The following CCDC57 variants were observed in gnomAD, a reference collection of about 807,000 sequenced individuals.
The protein encoded by CCDC57 is coiled-coil domain containing 57, also known as coiled-coil domain-containing protein 57.
A neutral mutation model predicts 118.9 loss-of-function variants in CCDC57; 118 were observed. The ratio of observed to expected loss-of-function variants is 0.99; its 90% confidence interval spans 0.86 to 1.16. The LOEUF (loss-of-function observed/expected upper bound fraction) is 1.16. Among genes scored for constraint, CCDC57 ranks in the 50% most tolerant of loss-of-function variants. CCDC57 has a pLI of 0.00. For missense variants in CCDC57, 1,300 were observed against 1,320.7 expected (o/e 0.98, Z 0.24); for synonymous variants, 527 against 532.9 (o/e 0.99, Z 0.15).
chr17:82,104,969 C>T (rs1305403629), intron 19 of CCDC57: 1 of 152,282 alleles, frequency 6.6e-6, no homozygotes, highest in African/African-American at 2.4e-5. Context: ...AGCTGGTCCC[C>T]AGCTTTCTGG....
At chr17:82,196,878 C>T (rs1308841300) in intron 4 of CCDC57, among the ~76,000 whole-genome samples, 3 of 141,886 alleles carry the variant, frequency 2.1e-5, no homozygotes, top group African/African-American at 8.2e-5. Context: ...CGCAGCCCCT[C>T]ATGACTCCTG....
Position 82,127,979 on chromosome 17 carries a change from C to A in CCDC57, c.2683-71G>T, listed in dbSNP as rs76663260. On this transcript the variant is annotated intron_variant, in intron 18 of 19. Transcript: ENST00000665763. ...AGGAAGCCACAGGACTCCCCCCAAC[C>A]ACTCCCCTCGGAGCAGTAAGGCGAC... 881 of 1,570,006 alleles carry A rather than the reference C, an allele frequency of 5.6e-4. 8 individuals are homozygous for A. The African/African-American group carries it at 0.011, about 20-fold the overall frequency.
chr17:82,170,446 T>C (rs4789734), intron 13 of CCDC57, among the ~76,000 whole-genome samples: 7,115 of 146,452 alleles, frequency 0.049, 227 homozygotes, highest in African/African-American at 0.092. Flanking sequence ...AGGCAGAGGC[T>C]GCAATGAGCC....
At chr17:82,154,164 G>A (rs2042398600) in intron 15 of CCDC57, 1 of 152,368 alleles carries the variant, frequency 6.6e-6, no homozygotes, top group African/African-American at 2.4e-5. Flanking sequence ...GGGTGGTGCA[G>A]TCAGGGAAGC....
chr17:82,120,909 C>G (rs1255453364), intron 19 of CCDC57, among the ~76,000 whole-genome samples: 3 of 152,192 alleles, frequency 2.0e-5, no homozygotes, highest in Admixed American at 2.0e-4. Context: ...GCGTCCGCCA[C>G]CACGCCCGGC....
rs1476682648 is a variant in CCDC57, at chr17:82,192,965, T to A, written c.851+791A>T. Among the ~76,000 whole-genome samples, 1 of 152,178 alleles carries A rather than the reference T, an allele frequency of 6.6e-6. No individual in the cohort carries two copies. The highest frequency in any genetic ancestry group is 2.4e-5 in the African/African-American group (1 of 41,446). ...GTTGGTCAGGGTGGTCTCGAATTCC[T>A]GACCTCAAGTGATCCACCCACCTCG... is the stretch of plus-strand genomic sequence containing the variant. On this transcript the variant is annotated intron_variant, in intron 7 of 19. Coordinates refer to ENST00000665763, the Ensembl canonical transcript of CCDC57. This position sits in a 1 kb window ranked among gnomAD's most constrained non-coding sequence, Gnocchi z 4.0.
At chr17:82,148,136 TGGATGGATGGATG>T (rs1483119351) in intron 16 of CCDC57, among the ~76,000 whole-genome samples, 1 of 33,576 alleles carries the variant, frequency 3.0e-5, no homozygotes, top group Non-Finnish European at 5.3e-5. Flanking sequence ...GATGGATGGA[TGGATGGATGGATG>T]GATGGATGGA....
chr17:82,174,587 T>C (rs2045224805), intron 11 of CCDC57, among the ~76,000 whole-genome samples: 1 of 152,198 alleles, frequency 6.6e-6, no homozygotes, highest in South Asian at 2.1e-4. Context: ...AGGAGCCCAA[T>C]TAACTGATAA....
At chr17:82,113,500 C>T (rs2035447192) in intron 19 of CCDC57, 1 of 717,614 alleles carries the variant, frequency 1.4e-6, no homozygotes, top group Non-Finnish European at 2.6e-6. Context: ...TGCAAGGCTG[C>T]TGTGATGGTG....
chr17:82,203,810 G>A (rs1568490211), intron 2 of CCDC57, among the ~76,000 whole-genome samples: 1 of 152,210 alleles, frequency 6.6e-6, no homozygotes, highest in African/African-American at 2.4e-5. Flanking sequence ...CTTCCGGCCT[G>A]GTGGGACATG....
chr17:82,161,707 G>A (rs1484240890), intron 14 of CCDC57, among the ~76,000 whole-genome samples: 5 of 152,274 alleles, frequency 3.3e-5, no homozygotes, highest in South Asian at 2.1e-4. Context: ...TGATTGTGAC[G>A]GGGGTGGAAT....
At chr17:82,131,952 C>T (rs945562205) in intron 17 of CCDC57, among the ~76,000 whole-genome samples, 8 of 151,076 alleles carry the variant, frequency 5.3e-5, no homozygotes, top group East Asian at 1.9e-4. Context: ...CCTATCTCTA[C>T]AAAAAATACA....
intron 19 of CCDC57, among the ~76,000 whole-genome samples, chr17:82,122,339 G>A (rs1335607815): frequency 6.6e-6 from 1 of 152,248 alleles, no homozygotes; most frequent in Non-Finnish European, 1.5e-5. Context: ...CCTGGCCACT[G>A]CTGCAGACCC....
intron 4 of CCDC57, among the ~76,000 whole-genome samples, chr17:82,196,456 G>A (rs1242288468): frequency 6.6e-6 from 1 of 152,196 alleles, no homozygotes; most frequent in African/African-American, 2.4e-5. Context: ...CAGCACTTCC[G>A]GGGACAACTG....
At chr17:82,177,864 A>T (rs1381668115) in intron 11 of CCDC57, among the ~76,000 whole-genome samples, 1 of 152,144 alleles carries the variant, frequency 6.6e-6, no homozygotes, top group Non-Finnish European at 1.5e-5. Context: ...CACAGAAAAA[A>T]GCCAACTGCA....
At chr17:82,122,590 A>G (rs1171388510) in intron 19 of CCDC57, among the ~76,000 whole-genome samples, 2 of 149,684 alleles carry the variant, frequency 1.3e-5, no homozygotes, top group Non-Finnish European at 3.0e-5. Context: ...TGCTATGTGG[A>G]CAGAGCCCTT....
intron 9 of CCDC57, among the ~76,000 whole-genome samples, chr17:82,182,301 G>T (rs1406509720): frequency 1.3e-5 from 2 of 149,560 alleles, no homozygotes; most frequent in Non-Finnish European, 3.0e-5. Flanking sequence ...AAAGAATGCT[G>T]GAAGGAAGAG....
At chr17:82,204,639 T>C (rs1199012949) in intron 2 of CCDC57, among the ~76,000 whole-genome samples, 1 of 152,020 alleles carries the variant, frequency 6.6e-6, no homozygotes, top group Non-Finnish European at 1.5e-5. Context: ...AAAAATTAGC[T>C]GGGCGTGGTG....
chr17:82,207,596 G>C (rs1047966351), intron 2 of CCDC57: 2 of 151,986 alleles, frequency 1.3e-5, no homozygotes, highest in African/African-American at 4.8e-5. Flanking sequence ...GACTCCCTAC[G>C]CTTTCATCTC....
Sources: gnomAD v4.1 joint callset for allele counts (sites outside exome capture counted in the v4.1 genomes callset) on GRCh38, gnomAD v4.1.1 for gene constraint, Gnocchi (gnomAD v3.1) non-coding constraint, MANE v1.5 for transcripts, NCBI Gene and HGNC (gene_info 2026-07-23, HGNC 2026-07-21) for gene names.